GALNT18: variants seen among roughly 807,000 people sequenced by gnomAD.
GALNT18 encodes polypeptide N-acetylgalactosaminyltransferase 18.
Under a neutral mutation model 69.5 loss-of-function variants are expected in GALNT18, and 44 were observed. That is an observed-to-expected ratio of 0.63 (90% CI 0.50 to 0.81). The LOEUF is 0.81. Ranked by LOEUF, GALNT18 falls within the 40% of genes least tolerant of loss-of-function variation. The pLI is 0.00. For missense variants in GALNT18, 715 were observed against 810.0 expected (o/e 0.88, Z 1.42); for synonymous variants, 364 against 318.2 (o/e 1.14, Z -1.53).
At chr11:11,276,613 T>C (rs1161042601) in intron 10 of GALNT18, among the ~76,000 whole-genome samples, 2 of 152,122 alleles carry the variant, frequency 1.3e-5, no homozygotes, top group Non-Finnish European at 2.9e-5. Flanking sequence ...CTTGTGCCAG[T>C]TTTCACCCAT....
intron 1 of GALNT18, among the ~76,000 whole-genome samples, chr11:11,501,975 A>T (rs775606790): frequency 2.0e-5 from 3 of 152,180 alleles, no homozygotes; most frequent in Non-Finnish European, 4.4e-5. Context: ...CTGCCTTGCA[A>T]GAAGATCTGT....
At chr11:11,580,155 A>T (rs937000323) in intron 1 of GALNT18, among the ~76,000 whole-genome samples, 4 of 152,144 alleles carry the variant, frequency 2.6e-5, no homozygotes, top group African/African-American at 9.7e-5. Flanking sequence ...GTTGCCACTA[A>T]CTCACCATTG....
intron 9 of GALNT18, among the ~76,000 whole-genome samples, chr11:11,297,857 A>T (rs751734374): frequency 1.2e-4 from 18 of 152,196 alleles, no homozygotes; most frequent in Non-Finnish European, 1.9e-4. Flanking sequence ...TGCAAACCAG[A>T]TCTCCAGCAT....
At position 11,333,652 on chromosome 11, in the gene GALNT18, G is replaced by T. The variant is rs574455781; in HGVS notation, c.1279-821C>A. Among the ~76,000 whole-genome samples, 9 of 152,234 alleles carry T rather than the reference G, an allele frequency of 5.9e-5. No individual in the cohort carries two copies. The South Asian group carries it at 1.9e-3, about 32-fold the overall frequency. On this transcript the variant is annotated intron_variant, in intron 7 of 10. Transcript: ENST00000227756. The stretch of plus-strand genomic sequence containing the variant: ...ACTCTCTTTAAGCCTGGGAGTCTTG[G>T]CATCTAGAGTACTTGTTTCCCTCCT...
At chr11:11,319,622 G>A (rs1362514171) in intron 9 of GALNT18, among the ~76,000 whole-genome samples, 2 of 152,194 alleles carry the variant, frequency 1.3e-5, no homozygotes, top group African/African-American at 4.8e-5. Flanking sequence ...GAATTTCTTA[G>A]CTTAAGAGCC....
rs1590147113 is a variant in GALNT18 at position 11,621,288 on chromosome 11, C to T, written c.235+71G>A. 5.3e-6 allele frequency: 7 copies of T among 1,321,042 alleles called. 1 individual carries two copies. The highest frequency in any genetic ancestry group is 2.2e-4 in the Middle Eastern group (1 of 4,642). 81.8% of individuals were successfully genotyped at this position (1,321,042 alleles called of 1,614,324 possible). On this transcript the variant is annotated intron_variant, in intron 1 of 10. Coordinates refer to ENST00000227756, the MANE Select transcript of GALNT18 (RefSeq NM_198516.3). The surrounding 1 kb of genome is among the most constrained non-coding windows in gnomAD (Gnocchi z 9.3). ...GTGGCTGAGTTGATGCGCACCAGCC[C>T]CAGCGCACCCCGCGCCGCGCGGGGC...
chr11:11,414,019 T>C (rs1289201745), intron 3 of GALNT18, among the ~76,000 whole-genome samples: 1 of 152,172 alleles, frequency 6.6e-6, no homozygotes, highest in East Asian at 1.9e-4. Flanking sequence ...ACCCCGTCAC[T>C]CAAGCTAGAA....
Position 11,598,617 on chromosome 11 carries a change from A to G in GALNT18, c.235+22742T>C, listed in dbSNP as rs932512098. On this transcript the variant is annotated intron_variant, in intron 1 of 10. Coordinates refer to ENST00000227756, the MANE Select transcript of GALNT18 (RefSeq NM_198516.3). The surrounding 1 kb of genome is among the most constrained non-coding windows in gnomAD (Gnocchi z 4.8). ...ATTTGCAAAGAGTCTTTTTTCAAAT[A>G]AAATATTTACCAGTCCCAGGGATTG... Among the ~76,000 whole-genome samples the G allele has an allele frequency of 1.3e-5, 2 of 152,248 alleles. No homozygotes were observed. Among genetic ancestry groups the G allele is most frequent in the Admixed American group, 1.3e-4 (2 of 15,288 alleles).
chr11:11,537,414 G>T (rs1478746127), intron 1 of GALNT18, among the ~76,000 whole-genome samples: 1 of 152,124 alleles, frequency 6.6e-6, no homozygotes, highest in Non-Finnish European at 1.5e-5. Flanking sequence ...AGAAAATGTG[G>T]TCACCAGGAT....
Position 11,603,978 on chromosome 11 carries a change from A to G in GALNT18, c.235+17381T>C, listed in dbSNP as rs1031853441. Among the ~76,000 whole-genome samples the G allele has an allele frequency of 6.6e-6, 1 of 152,196 alleles. No individual in the cohort carries two copies. Among genetic ancestry groups the G allele is most frequent in the Non-Finnish European group, 1.5e-5 (1 of 68,036 alleles). On this transcript the variant is annotated intron_variant, in intron 1 of 10. Coordinates refer to ENST00000227756, the MANE Select transcript of GALNT18 (RefSeq NM_198516.3). This position sits in a 1 kb window ranked among gnomAD's most constrained non-coding sequence, Gnocchi z 4.5. ...GATAAGGCCATGAGGGTGGACCCTCATGAATGGGATTACTGTTCTTATGAA... is the reference window on the plus strand; with the variant it reads ...GATAAGGCCATGAGGGTGGACCCTCGTGAATGGGATTACTGTTCTTATGAA...
At chr11:11,488,268 G>A (rs544631412) in intron 1 of GALNT18, among the ~76,000 whole-genome samples, 17 of 152,242 alleles carry the variant, frequency 1.1e-4, no homozygotes, top group South Asian at 8.3e-4. Flanking sequence ...AGGCTCTCGC[G>A]GAGAATCCAT....
intron 2 of GALNT18, among the ~76,000 whole-genome samples, chr11:11,447,392 A>T (rs1334637595): frequency 6.6e-6 from 1 of 151,946 alleles, no homozygotes; most frequent in African/African-American, 2.4e-5. Flanking sequence ...ACTCACCACC[A>T]CCTAACATAC....
At chr11:11,547,360 C>G (rs1858080482) in intron 1 of GALNT18, among the ~76,000 whole-genome samples, 1 of 152,166 alleles carries the variant, frequency 6.6e-6, no homozygotes, top group South Asian at 2.1e-4. Flanking sequence ...GGTAAGGCCC[C>G]TAGACAGTGA....
rs1456581381 is a variant in GALNT18, at chr11:11,538,525, G to C, written c.235+82834C>G. Among the ~76,000 whole-genome samples, 1 of 152,214 alleles carries C rather than the reference G, an allele frequency of 6.6e-6. No individual in the cohort carries two copies. The highest frequency in any genetic ancestry group is 2.4e-5 in the African/African-American group (1 of 41,462). On this transcript the variant is annotated intron_variant, in intron 1 of 10. Coordinates refer to ENST00000227756, the MANE Select transcript of GALNT18 (RefSeq NM_198516.3). This position sits in a 1 kb window ranked among gnomAD's most constrained non-coding sequence, Gnocchi z 5.2. ...AAGCACCCTGTGGCCTCAGCAACTA[G>C]TGTGAACTTTTCCCTGCTTGCACCA...
Position 11,592,999 on chromosome 11 carries a change from T to G in GALNT18, c.235+28360A>C, listed in dbSNP as rs1644327172. 6.6e-6 allele frequency among the ~76,000 whole-genome samples: 1 copy of G among 152,178 alleles called. No homozygotes were observed. Among genetic ancestry groups the G allele is most frequent in the African/African-American group, 2.4e-5 (1 of 41,450 alleles). ...GGCGCAATCTCAGCTCACTGCAAGC[T>G]GCGCCTCTCGGGTTCACGCCATTCT... On this transcript the variant is annotated intron_variant, in intron 1 of 10. Coordinates refer to ENST00000227756, the MANE Select transcript of GALNT18 (RefSeq NM_198516.3). The surrounding 1 kb of genome is among the most constrained non-coding windows in gnomAD (Gnocchi z 5.9).
rs11021812 is a variant in GALNT18, at chr11:11,341,918, G to T, written c.1093-914C>A. On this transcript the variant is annotated intron_variant, in intron 6 of 10. Coordinates refer to ENST00000227756, the MANE Select transcript of GALNT18 (RefSeq NM_198516.3). The surrounding 1 kb of genome is among the most constrained non-coding windows in gnomAD (Gnocchi z 6.3). ...GGGAGAATCGCTTGAGCCCAGGAGTGTGAGACAAGCCTGGGCAACATAGTG... is the reference window on the plus strand; with the variant it reads ...GGGAGAATCGCTTGAGCCCAGGAGTTTGAGACAAGCCTGGGCAACATAGTG... Among the ~76,000 whole-genome samples the T allele has an allele frequency of 0.19, 28,976 of 151,962 alleles. 3,356 individuals are homozygous for T. Among genetic ancestry groups the T allele is most frequent in the Non-Finnish European group, 0.25 (17,302 of 67,956 alleles).
intron 6 of GALNT18, chr11:11,352,887 A>T: frequency 6.2e-7 from 1 of 1,613,990 alleles, no homozygotes; most frequent in Non-Finnish European, 8.5e-7. Flanking sequence ...TTCACGCTTA[A>T]TTTTCTTCTT....
chr11:11,377,437 A>G lies in GALNT18; in HGVS notation c.780-58T>C. ...CCATTTCCAAGGTGGAAAAATCCAG[A>G]GTAGCATCTCCTGAAGGTCCTTCCC... On this transcript the variant is annotated intron_variant, in intron 4 of 10. Transcript: ENST00000227756. This position sits in a 1 kb window ranked among gnomAD's most constrained non-coding sequence, Gnocchi z 4.6. 1 of 1,499,934 alleles carries G rather than the reference A, an allele frequency of 6.7e-7. No homozygotes were observed. The highest frequency in any genetic ancestry group is 9.3e-7 in the Non-Finnish European group (1 of 1,079,280). 92.9% of individuals were successfully genotyped at this position (1,499,934 alleles called of 1,614,324 possible).
At chr11:11,350,545 G>A (rs1032501007) in intron 6 of GALNT18, among the ~76,000 whole-genome samples, 4 of 152,234 alleles carry the variant, frequency 2.6e-5, no homozygotes, top group Non-Finnish European at 4.4e-5. Context: ...GGGAAACTGA[G>A]CCAGGAGTAG....
Sources: allele counts gnomAD v4.1 joint callset (sites outside exome capture counted in the v4.1 genomes callset), GRCh38; gene constraint gnomAD v4.1.1; non-coding constraint Gnocchi (gnomAD v3.1); transcripts MANE v1.5; gene names NCBI Gene and HGNC (gene_info 2026-07-23, HGNC 2026-07-21).